Variants in RPL23 observed in about 807,000 individuals in gnomAD.
RPL23 encodes the protein large ribosomal subunit protein uL14.
For missense variants in RPL23, 79 were observed against 178.8 expected, an observed-to-expected ratio of 0.44 and a Z score of 3.18; for synonymous variants, 63 against 65.3, an observed-to-expected ratio of 0.97 and a Z score of 0.17.
intron 2 of RPL23, 59 bp from the exon 3 acceptor site, chr17:38,852,791 G>A: frequency 6.2e-7 from 1 of 1,611,654 alleles, no homozygotes. Context: ...CGTTCCATCA[G>A]TATAACATTT....
intron 3 of RPL23, 109 bp from the exon 4 acceptor site, chr17:38,850,584 A>C: frequency 2.7e-6 from 2 of 728,540 alleles, no homozygotes; most frequent in East Asian, 5.0e-5. Context: ...AGACAGTGAC[A>C]GTGTAAATAT....
At chr17:38,851,205 C>T (rs1330835374) in intron 3 of RPL23, 3 of 152,192 alleles carry the variant, frequency 2.0e-5, no homozygotes, top group Non-Finnish European at 4.4e-5. Context: ...TTCACTGATA[C>T]TAGCATGGGG....
At chr17:38,852,442 T>TC in intron 3 of RPL23, 162 bp downstream of exon 3, 1 of 766,302 alleles carries the variant, frequency 1.3e-6, no homozygotes, top group Non-Finnish European at 2.1e-6. Context: ...AAGATGATGG[T>TC]CCCCCCTCCA....
chr17:38,851,411 T>G (rs755933205), intron 3 of RPL23: 2 of 152,172 alleles, frequency 1.3e-5, no homozygotes, highest in Non-Finnish European at 2.9e-5. Context: ...TTTATTGATA[T>G]TAAGTTCCAA....
intron 4 of RPL23, 41 bp from the exon 5 acceptor site, chr17:38,850,255 G>A: frequency 1.3e-6 from 2 of 1,555,210 alleles, no homozygotes; most frequent in Non-Finnish European, 1.8e-6. Context: ...AAAAACATGT[G>A]GGGGACAGAT....
chr17:38,853,319 C>G (rs1029170067), intron 1 of RPL23: 1 of 655,164 alleles, frequency 1.5e-6, no homozygotes, highest in Non-Finnish European at 2.8e-6. Flanking sequence ...ACTCTGACAT[C>G]GAAATTAAGA....
rs1197503061 is a variant in RPL23, at chr17:38,850,065, C to G, written c.*67G>C. ...CCCTGGAAGTGAACAGGGAGACAAGCACTGCAAACAAATACTTTTTAATGG... is the reference window on the plus strand; with the variant it reads ...CCCTGGAAGTGAACAGGGAGACAAGGACTGCAAACAAATACTTTTTAATGG... On this transcript the variant is annotated 3_prime_UTR_variant, in exon 5 of 5. Transcript: ENST00000479035. 3 of 1,183,266 alleles carry G rather than the reference C, an allele frequency of 2.5e-6. No individual in the cohort carries two copies. Among genetic ancestry groups the G allele is most frequent in the Non-Finnish European group, 3.6e-6 (3 of 828,958 alleles). 73.3% of individuals were successfully genotyped at this position (1,183,266 alleles called of 1,614,324 possible). A position where few individuals can be genotyped will look rare whatever the true frequency, so the allele number is the denominator to read the frequency against.
At position 38,847,959 on chromosome 17, in the gene RPL23, C is replaced by T; in HGVS notation, c.*2173G>A. 1 of 1,548,756 alleles carries T rather than the reference C, an allele frequency of 6.5e-7. No individual in the cohort carries two copies. Among genetic ancestry groups the T allele is most frequent in the East Asian group, 2.5e-5 (1 of 40,740 alleles). ...GTGGCTCACACTTGTAATTGCAGCC[C>T]TTTGAAGGCCACAGCAGGAGGATTC... is the stretch of plus-strand genomic sequence containing the variant. On this transcript the variant is annotated 3_prime_UTR_variant, in exon 5 of 5. Transcript: ENST00000479035.
chr17:38,850,595 C>A (rs1356627109), intron 3 of RPL23, 120 bp from the exon 4 acceptor site: 3 of 693,460 alleles, frequency 4.3e-6, no homozygotes, highest in African/African-American at 3.5e-5. Flanking sequence ...GTGTAAATAT[C>A]AATCTTCAAG....
chr17:38,851,960 G>A (rs1453406288), intron 3 of RPL23: 1 of 152,212 alleles, frequency 6.6e-6, no homozygotes. Flanking sequence ...AACACCAGAA[G>A]TTCTAAAGCC....
Position 38,847,976 on chromosome 17 carries a change from G to C in RPL23, c.*2156C>G, listed in dbSNP as rs909860274. ...TTGCAGCCCTTTGAAGGCCACAGCA[G>C]GAGGATTCCAAGTCCAGCAGTTCAA... On this transcript the variant is annotated 3_prime_UTR_variant, in exon 5 of 5. Coordinates refer to ENST00000479035, the MANE Select transcript of RPL23 (RefSeq NM_000978.4). The C allele has an allele frequency of 1.6e-4, 245 of 1,549,992 alleles. No homozygotes were observed. The highest frequency in any genetic ancestry group is 2.1e-4 in the Non-Finnish European group (237 of 1,146,816).
chr17:38,853,255 G>A (rs1239652645), intron 1 of RPL23, 150 bp from the exon 2 acceptor site: 6 of 680,302 alleles, frequency 8.8e-6, no homozygotes, highest in Non-Finnish European at 1.1e-5. Flanking sequence ...TACTTATGCC[G>A]TCCCCATGTG....
chr17:38,853,449 G>C (rs1427084138), intron 1 of RPL23: 1 of 717,692 alleles, frequency 1.4e-6, no homozygotes, highest in Admixed American at 2.0e-5. Flanking sequence ...ACCCCATTAC[G>C]ATAGCCCTAT....
chr17:38,852,519 G>A, intron 3 of RPL23, 85 bp downstream of exon 3: 1 of 1,529,502 alleles, frequency 6.5e-7, no homozygotes, highest in Non-Finnish European at 8.9e-7. Flanking sequence ...CAAACTTGAG[G>A]CCTTGAAAAC....
chr17:38,853,604 A>G, intron 1 of RPL23, 94 bp downstream of exon 1: 1 of 1,512,036 alleles, frequency 6.6e-7, no homozygotes. Context: ...GAAGGAGAGC[A>G]AAGCGCCCCA....
In RPL23 at chr17:38,849,828, C is replaced by T; in HGVS notation, c.*304G>A. ...AGGATTGCTTTAAAAAAAAAATGCC[C>T]AGAGTTTCCATTTCAGAAAAGTGAT... is the stretch of plus-strand genomic sequence containing the variant. On this transcript the variant is annotated 3_prime_UTR_variant, in exon 5 of 5. Transcript: ENST00000479035. The T allele has an allele frequency of 4.1e-6, 1 of 241,788 alleles. No homozygotes were observed. Among genetic ancestry groups the T allele is most frequent in the Non-Finnish European group, 7.8e-6 (1 of 127,944 alleles). The allele number at this position is 241,788 out of a possible 1,614,324, so 15.0% of individuals were successfully genotyped here.
At chr17:38,852,393 A>G in intron 3 of RPL23, 1 of 587,426 alleles carries the variant, frequency 1.7e-6, no homozygotes, top group Non-Finnish European at 2.9e-6. Context: ...AAACAAAACA[A>G]AAACAACAAC....
At chr17:38,850,683 T>C (rs1450788371) in intron 3 of RPL23, 3 of 455,204 alleles carry the variant, frequency 6.6e-6, no homozygotes, top group East Asian at 3.8e-5. Flanking sequence ...TTTTTTTTTT[T>C]CATAGAGACA....
intron 3 of RPL23, chr17:38,851,970 C>CA (rs1350514575): frequency 6.6e-6 from 1 of 152,208 alleles, no homozygotes; most frequent in African/African-American, 2.4e-5. Flanking sequence ...GTTCTAAAGC[C>CA]AGACAGGACA....
Sources: gnomAD v4.1 joint callset for allele counts on GRCh38, gnomAD v4.1.1 for gene constraint, MANE v1.5 for transcripts, NCBI Gene and HGNC (gene_info 2026-07-23, HGNC 2026-07-21) for gene names.